CSMD1: variants seen among roughly 807,000 people sequenced by gnomAD.
CSMD1 encodes CUB and Sushi multiple domains 1.
CSMD1 carries 213 observed loss-of-function variants against 417.5 expected under a neutral mutation model. The observed-to-expected ratio is 0.51, with a 90% CI of 0.46 to 0.57. CSMD1 has a LOEUF of 0.57. Ranked by LOEUF, CSMD1 falls within the 20% of genes least tolerant of loss-of-function variation. The pLI is 0.00. For synonymous variants in CSMD1, 2,862 were observed against 1,736.8 expected (o/e 1.65, Z -16.11); for missense variants, 6,923 against 4,529.7 (o/e 1.53, Z -15.17).
chr8:4,961,526 T>A (rs942407089), intron 1 of CSMD1, among the ~76,000 whole-genome samples: 1 of 152,202 alleles, frequency 6.6e-6, no homozygotes, highest in Non-Finnish European at 1.5e-5. Flanking sequence ...GTTTGGCTAG[T>A]TTGAAAATTA....
rs1175693792 is a variant in CSMD1, at chr8:2,962,544, G to T, written c.9550C>A (p.Pro3184Thr). The change falls in exon 61 of 70, where the codon CCA becomes ACA. Residue 3184 changes from proline to threonine, a missense_variant. By Grantham distance (38) the Pro-to-Thr change is conservative. Transcript: ENST00000635120. ...KSEVFFQCKS[P>T]FILVGSSRRV... ...CTGGAGGATCCCACGAGTATAAATG[G>T]AGATTTGCACTGGAAGAAGACTTCG... The T allele has an allele frequency of 1.9e-6, 3 of 1,613,900 alleles. No homozygotes were observed. The highest frequency in any genetic ancestry group is 2.5e-6 in the Non-Finnish European group (3 of 1,179,832).
At chr8:3,266,458 T>G (rs1284076797) in intron 26 of CSMD1, among the ~76,000 whole-genome samples, 2 of 151,202 alleles carry the variant, frequency 1.3e-5, no homozygotes, top group African/African-American at 4.9e-5. Context: ...ATACAAAAAT[T>G]AGCCGGGCAT....
chr8:4,654,102 A>T (rs1169832712), intron 1 of CSMD1, among the ~76,000 whole-genome samples: 1 of 152,082 alleles, frequency 6.6e-6, no homozygotes, highest in Non-Finnish European at 1.5e-5. Flanking sequence ...CCCGGTGCAA[A>T]CCAGGGCCGA....
rs561314513 is a variant in CSMD1 at position 4,397,122 on chromosome 8, A to G, written c.415+22831T>C. ...CTAAGAAGAGTATATAACCATCTGC[A>G]CGCCATCACATGGTCGAGCAATCAC... On this transcript the variant is annotated intron_variant, in intron 3 of 69. Coordinates refer to ENST00000635120, the MANE Select transcript of CSMD1 (RefSeq NM_033225.6). Among the ~76,000 whole-genome samples the G allele has an allele frequency of 6.4e-4, 98 of 152,254 alleles. 1 individual carries two copies. Among genetic ancestry groups the G allele is most frequent in the African/African-American group, 2.1e-3 (89 of 41,546 alleles).
intron 5 of CSMD1, among the ~76,000 whole-genome samples, chr8:3,763,096 C>T (rs747795495): frequency 6.6e-6 from 1 of 152,166 alleles, no homozygotes; most frequent in African/African-American, 2.4e-5. Context: ...TGGCACGTAA[C>T]AGAGTGCTGG....
chr8:4,428,790 G>A lies in CSMD1; in HGVS notation c.303-8725C>T, dbSNP rs144882224. ...GCTGGAGTGCAGTGGCGTGATCTTG[G>A]CTCACTGCAACCTCCACCTCCCAGG... On this transcript the variant is annotated intron_variant, in intron 2 of 69. Coordinates refer to ENST00000635120, the MANE Select transcript of CSMD1 (RefSeq NM_033225.6). Among the ~76,000 whole-genome samples, 666 of 152,148 alleles carry A rather than the reference G, an allele frequency of 4.4e-3. 6 individuals are homozygous for A. The highest frequency in any genetic ancestry group is 0.015 in the African/African-American group (643 of 41,506).
chr8:4,049,458 G>T (rs1168389552), intron 3 of CSMD1, among the ~76,000 whole-genome samples: 1 of 151,386 alleles, frequency 6.6e-6, no homozygotes. Flanking sequence ...ATGTCACCCA[G>T]TCCCTGGCAT....
intron 54 of CSMD1, among the ~76,000 whole-genome samples, chr8:2,989,363 A>T (rs1245454160): frequency 5.3e-5 from 8 of 152,242 alleles, no homozygotes; most frequent in African/African-American, 1.9e-4. Context: ...AAACAAAACA[A>T]AACAAAATGG....
intron 7 of CSMD1, among the ~76,000 whole-genome samples, chr8:3,675,618 T>C (rs575474543): frequency 1.3e-5 from 2 of 152,180 alleles, no homozygotes; most frequent in South Asian, 2.1e-4. Context: ...AGCACCCTTA[T>C]AAGGAAAGGA....
chr8:4,011,661 T>A (rs543443097), intron 4 of CSMD1, among the ~76,000 whole-genome samples: 1 of 152,158 alleles, frequency 6.6e-6, no homozygotes, highest in South Asian at 2.1e-4. Flanking sequence ...TTCCTACACT[T>A]CCTAAATTTT....
chr8:3,646,889 T>C (rs1053779145), intron 7 of CSMD1, among the ~76,000 whole-genome samples: 13 of 152,114 alleles, frequency 8.5e-5, no homozygotes, highest in African/African-American at 2.2e-4. Flanking sequence ...GTTCCTCTAG[T>C]TTTGATGAGT....
chr8:3,970,198 C>G (rs79305868), intron 5 of CSMD1, among the ~76,000 whole-genome samples: 35,201 of 151,904 alleles, frequency 0.23, 4,369 homozygotes, highest in South Asian at 0.44. Context: ...AAGGGACTTT[C>G]TTTTACAAAC....
intron 29 of CSMD1, among the ~76,000 whole-genome samples, chr8:3,217,222 G>A (rs1381959022): frequency 1.3e-5 from 2 of 152,196 alleles, no homozygotes; most frequent in East Asian, 1.9e-4. Flanking sequence ...GCTCCAGGCT[G>A]CATGCAATGG....
At chr8:3,760,482 T>A (rs1339101347) in intron 5 of CSMD1, among the ~76,000 whole-genome samples, 4 of 152,222 alleles carry the variant, frequency 2.6e-5, no homozygotes, top group African/African-American at 4.8e-5. Flanking sequence ...ATTTTAGGAT[T>A]CTATTTATAA....
At chr8:3,870,028 A>T (rs1805372221) in intron 5 of CSMD1, among the ~76,000 whole-genome samples, 1 of 152,214 alleles carries the variant, frequency 6.6e-6, no homozygotes, top group Non-Finnish European at 1.5e-5. Context: ...TTAAACAAAA[A>T]GTAGGCGTCT....
intron 49 of CSMD1, among the ~76,000 whole-genome samples, chr8:3,068,089 G>A (rs906527493): frequency 2.0e-5 from 3 of 152,080 alleles, no homozygotes; most frequent in Admixed American, 6.6e-5. Flanking sequence ...CTCACTGCAT[G>A]TGTCACTAAT....
rs961503629 is a variant in CSMD1 at position 4,415,169 on chromosome 8, C to T, written c.415+4784G>A. Among the ~76,000 whole-genome samples, 11 of 152,220 alleles carry T rather than the reference C, an allele frequency of 7.2e-5. No homozygotes were observed. In the East Asian group the frequency reaches 1.2e-3, roughly 16 times the overall value. On this transcript the variant is annotated intron_variant, in intron 3 of 69. Transcript: ENST00000635120. ...CAGATAGGGCAGAAAGGCTCAGCTC[C>T]AGGCTCTCTGAGCTCCAGAGAACCC... is the stretch of plus-strand genomic sequence containing the variant.
intron 1 of CSMD1, among the ~76,000 whole-genome samples, chr8:4,903,825 T>C (rs1805058741): frequency 6.6e-6 from 1 of 152,280 alleles, no homozygotes; most frequent in Non-Finnish European, 1.5e-5. Context: ...CAAACTCAAA[T>C]GGCCAAGAAG....
rs1797208241 is a variant in CSMD1 at position 3,205,627 on chromosome 8, A to G, written c.4868-7T>C. 1.4e-6 allele frequency: 2 copies of G among 1,431,540 alleles called. No individual in the cohort carries two copies. Among genetic ancestry groups the G allele is most frequent in the Non-Finnish European group, 1.9e-6 (2 of 1,036,416 alleles). 88.7% of individuals were successfully genotyped at this position (1,431,540 alleles called of 1,614,324 possible). A position where few individuals can be genotyped will look rare whatever the true frequency, so the allele number is the denominator to read the frequency against. ...TACTGGCCTCCACAGGGAGCTGAAA[A>G]TAAAATCAACCGAGAATTAGTCGCT... On this transcript the variant is annotated splice_polypyrimidine_tract_variant and splice_region_variant and intron_variant, in intron 30 of 69. Coordinates refer to ENST00000635120, the MANE Select transcript of CSMD1 (RefSeq NM_033225.6).
Sources: allele counts gnomAD v4.1 joint callset (sites outside exome capture counted in the v4.1 genomes callset), GRCh38; gene constraint gnomAD v4.1.1; transcripts MANE v1.5; gene names NCBI Gene and HGNC (gene_info 2026-07-23, HGNC 2026-07-21).